Variants in CSMD3 observed in about 807,000 individuals in gnomAD.
CSMD3 encodes CUB and sushi domain-containing protein 3.
Under a neutral mutation model 435.2 loss-of-function variants are expected in CSMD3, and 177 were observed. That is an observed-to-expected ratio of 0.41 (90% CI 0.36 to 0.46). The LOEUF (loss-of-function observed/expected upper bound fraction) is 0.46. Ranked by LOEUF, CSMD3 falls within the 20% of genes least tolerant of loss-of-function variation. CSMD3 has a pLI of 0.34. For missense variants in CSMD3, 4,265 were observed against 4,504.6 expected (o/e 0.95, Z 1.52); for synonymous variants, 1,656 against 1,520.5 (o/e 1.09, Z -2.07).
Position 113,173,921 on chromosome 8 carries a change from T to C in CSMD3, c.515-5A>G. 6.2e-7 allele frequency: 1 copy of C among 1,607,220 alleles called. No homozygotes were observed. The highest frequency in any genetic ancestry group is 2.2e-5 in the East Asian group (1 of 44,754). On this transcript the variant is annotated splice_region_variant and splice_polypyrimidine_tract_variant and intron_variant, in intron 3 of 70. Coordinates refer to ENST00000297405, the MANE Select transcript of CSMD3 (RefSeq NM_198123.2). ...CACAAGAGCTACTCTGCAATTCTAT[T>C]AAAAAGGAGGAAAAGGAGAGTTTAC...
intron 2 of CSMD3, among the ~76,000 whole-genome samples, chr8:113,299,012 G>GA (rs1304377445): frequency 6.6e-6 from 1 of 152,124 alleles, no homozygotes; most frequent in Non-Finnish European, 1.5e-5. Flanking sequence ...AACAGAGACA[G>GA]AAAAATGTAT....
At chr8:113,153,101 A>AAAGAAAGAAAAGAAAGAAAGAAAGAAAG (rs35085690) in intron 4 of CSMD3, among the ~76,000 whole-genome samples, 1 of 99,994 alleles carries the variant, frequency 1.0e-5, no homozygotes, top group African/African-American at 4.7e-5. Flanking sequence ...AGAAAGAAAG[A>AAAGAAAGAAAAGAAAGAAAGAAAGAAAG]AAAGAAAGAA....
intron 27 of CSMD3, among the ~76,000 whole-genome samples, chr8:112,523,479 T>C (rs1824524082): frequency 6.6e-6 from 1 of 152,028 alleles, no homozygotes; most frequent in South Asian, 2.1e-4. Flanking sequence ...AGCAAGGTCA[T>C]GGGCCAAATT....
At chr8:113,214,824 T>C (rs1588290564) in intron 3 of CSMD3, among the ~76,000 whole-genome samples, 1 of 151,966 alleles carries the variant, frequency 6.6e-6, no homozygotes, top group East Asian at 1.9e-4. Context: ...ATTATAAAGA[T>C]ATCTTGAGTC....
At chr8:112,390,634 T>C (rs1404000475) in intron 36 of CSMD3, 30 bp downstream of exon 36, 54 of 1,584,344 alleles carry the variant, frequency 3.4e-5, no homozygotes, top group Non-Finnish European at 4.3e-5. Context: ...ACACATACAA[T>C]GAAAAGAAGA....
At chr8:112,329,242 A>T (rs1227391360) in intron 45 of CSMD3, among the ~76,000 whole-genome samples, 1 of 152,128 alleles carries the variant, frequency 6.6e-6, no homozygotes, top group Admixed American at 6.6e-5. Flanking sequence ...TTAAACATAA[A>T]CAGTTTCCCA....
intron 13 of CSMD3, among the ~76,000 whole-genome samples, chr8:112,695,720 A>C (rs2076238458): frequency 6.6e-6 from 1 of 152,214 alleles, no homozygotes; most frequent in African/African-American, 2.4e-5. Flanking sequence ...TAGTGTTGGA[A>C]GTTCTGGCCA....
chr8:113,226,453 A>T (rs1385876297), intron 3 of CSMD3, among the ~76,000 whole-genome samples: 1 of 151,616 alleles, frequency 6.6e-6, no homozygotes, highest in Non-Finnish European at 1.5e-5. Context: ...GCAGTTCCAC[A>T]GATGGCATGT....
At chr8:113,315,076 G>T (rs1192161678) in intron 1 of CSMD3, among the ~76,000 whole-genome samples, 3 of 152,042 alleles carry the variant, frequency 2.0e-5, no homozygotes, top group Non-Finnish European at 2.9e-5. Context: ...TCCATTACAG[G>T]TTCCTATAGA....
intron 19 of CSMD3, among the ~76,000 whole-genome samples, chr8:112,645,958 TTTG>T (rs1218672351): frequency 6.6e-6 from 1 of 152,126 alleles, no homozygotes; most frequent in Admixed American, 6.6e-5. Context: ...GAGCAGAGAA[TTTG>T]TTGACTCCTT....
intron 10 of CSMD3, among the ~76,000 whole-genome samples, chr8:112,903,580 T>G (rs1289750297): frequency 2.6e-5 from 4 of 151,054 alleles, no homozygotes; most frequent in Non-Finnish European, 5.9e-5. Flanking sequence ...TTTTGTTTTT[T>G]CAGAATTACC....
chr8:112,916,462 G>GA (rs200082317), intron 10 of CSMD3, among the ~76,000 whole-genome samples: 3,118 of 149,640 alleles, frequency 0.021, 103 homozygotes, highest in African/African-American at 0.072. Context: ...ATGGCTTTTA[G>GA]AAAAAAAAAC....
In CSMD3 at chr8:112,828,749, T is replaced by C. The variant is rs113344338; in HGVS notation, c.1859+937A>G. On this transcript the variant is annotated intron_variant, in intron 12 of 70. Coordinates refer to ENST00000297405, the MANE Select transcript of CSMD3 (RefSeq NM_198123.2). ...TAGGAAACACAAAACAGAACTGTAG[T>C]AGGCCAGAGATAGACCACCAAATCA... Among the ~76,000 whole-genome samples, 917 of 152,276 alleles carry C rather than the reference T, an allele frequency of 6.0e-3. 9 individuals carry two copies. Among genetic ancestry groups the C allele is most frequent in the Non-Finnish European group, 6.4e-3 (436 of 68,016 alleles).
At chr8:113,043,645 A>G (rs2087715987) in intron 5 of CSMD3, among the ~76,000 whole-genome samples, 1 of 152,156 alleles carries the variant, frequency 6.6e-6, no homozygotes, top group Admixed American at 6.5e-5. Context: ...TGTAACTTAG[A>G]TTTCAAATTG....
At chr8:112,309,440 A>AAT (rs1380337112) in intron 50 of CSMD3, among the ~76,000 whole-genome samples, 5 of 151,768 alleles carry the variant, frequency 3.3e-5, no homozygotes, top group Non-Finnish European at 7.4e-5. Flanking sequence ...GGTTATTTAA[A>AAT]ATATATATAT....
At chr8:113,037,111 A>G (rs7820379) in intron 5 of CSMD3, among the ~76,000 whole-genome samples, 1,564 of 152,226 alleles carry the variant, frequency 0.01, 20 homozygotes, top group African/African-American at 0.036. Context: ...GTATATTGCA[A>G]ATATTGCTAT....
intron 1 of CSMD3, among the ~76,000 whole-genome samples, chr8:113,412,419 C>T (rs2094563718): frequency 6.6e-6 from 1 of 151,996 alleles, no homozygotes; most frequent in Non-Finnish European, 1.5e-5. Context: ...TTGAATTTCC[C>T]CCCAAAAACA....
chr8:112,604,449 A>C lies in CSMD3; in HGVS notation c.3716-17214T>G, dbSNP rs567174360. 3.3e-5 allele frequency among the ~76,000 whole-genome samples: 5 copies of C among 152,318 alleles called. No individual in the cohort carries two copies. In the East Asian group the frequency reaches 9.7e-4, roughly 29 times the overall value. On this transcript the variant is annotated intron_variant, in intron 22 of 70. Coordinates refer to ENST00000297405, the MANE Select transcript of CSMD3 (RefSeq NM_198123.2). ...TAAAAATAGAAATACAGACCAATAG[A>C]GTAGGTTAGAGAACCCAGAAATGAA... is the stretch of plus-strand genomic sequence containing the variant.
chr8:112,324,746 A>G (rs561552310), intron 45 of CSMD3, among the ~76,000 whole-genome samples: 1 of 152,178 alleles, frequency 6.6e-6, no homozygotes, highest in African/African-American at 2.4e-5. Context: ...GCCTTTAAAG[A>G]GATTTAAGTT....
Sources: gnomAD v4.1 joint callset for allele counts (sites outside exome capture counted in the v4.1 genomes callset) on GRCh38, gnomAD v4.1.1 for gene constraint, MANE v1.5 for transcripts, NCBI Gene and HGNC (gene_info 2026-07-23, HGNC 2026-07-21) for gene names.